Variants in TMC6 observed in about 807,000 individuals in gnomAD.
TMC6 encodes the protein transmembrane channel like 6.
In TMC6, 71 loss-of-function variants were observed where a neutral mutation model predicts 95.4. The ratio of observed to expected loss-of-function variants is 0.74; its 90% CI spans 0.61 to 0.91. TMC6 has a LOEUF of 0.91. Among genes scored for constraint, TMC6 ranks in the 40% least tolerant of loss-of-function variants. The probability of loss-of-function intolerance (pLI) is 0.00; values close to 1 mark genes in which losing one functional copy is unlikely to be tolerated. For synonymous variants in TMC6, 514 were observed against 483.1 expected, an observed-to-expected ratio of 1.06 and a Z score of -0.84; for missense variants, 1,074 against 1,079.1, an observed-to-expected ratio of 1.00 and a Z score of 0.07.
At chr17:78,115,178 T>TTGGGACGAGC (rs1198582108) in intron 18 of TMC6, among the ~76,000 whole-genome samples, 2 of 152,282 alleles carry the variant, frequency 1.3e-5, no homozygotes, top group Non-Finnish European at 2.9e-5. Flanking sequence ...CCATGAGTGC[T>TTGGGACGAGC]TGGGACGAGC....
intron 1 of TMC6, among the ~76,000 whole-genome samples, chr17:78,127,614 G>A (rs369824178): frequency 6.6e-6 from 1 of 152,232 alleles, no homozygotes; most frequent in East Asian, 1.9e-4. Flanking sequence ...CCCTGGGCTC[G>A]GGGCCCGTTC....
upstream of TMC6, chr17:78,128,838 G>T (rs1327667955): frequency 2.8e-5 from 4 of 141,896 alleles, no homozygotes; most frequent in Non-Finnish European, 4.6e-5. This position sits in a 1 kb window ranked among gnomAD's most constrained non-coding sequence, Gnocchi z 4.0. Context: ...ACGTGACCCG[G>T]CCCGGCCCGC....
rs755435364 is a variant in TMC6, at chr17:78,126,374, G to C, written c.182-8C>G. The C allele has an allele frequency of 6.3e-7, 1 of 1,594,806 alleles. No homozygotes were observed. The highest frequency in any genetic ancestry group is 8.5e-7 in the Non-Finnish European group (1 of 1,175,926). ...GTGTCTGCTGGCTACTTCCTACAAA[G>C]CAAGAAAGACTCACCAGGGGTCCTG... On this transcript the variant is annotated splice_polypyrimidine_tract_variant and splice_region_variant and intron_variant, in intron 3 of 19. Transcript: ENST00000590602.
At chr17:78,131,804 G>A, upstream of TMC6, 1 of 1,523,492 alleles carries the variant, frequency 6.6e-7, no homozygotes, top group Admixed American at 2.0e-5. Context: ...GTCGGATGGT[G>A]TGGGAGCACC....
At chr17:78,128,886 A>G (rs993744128), upstream of TMC6, 7 of 147,858 alleles carry the variant, frequency 4.7e-5, no homozygotes, top group South Asian at 6.4e-4. This position sits in a 1 kb window ranked among gnomAD's most constrained non-coding sequence, Gnocchi z 4.0. Flanking sequence ...CGCGGCGACT[A>G]TGCCTTCCTC....
intron 18 of TMC6, among the ~76,000 whole-genome samples, chr17:78,116,178 T>C (rs1211605195): frequency 6.6e-6 from 1 of 151,826 alleles, no homozygotes; most frequent in East Asian, 1.9e-4. Context: ...GGTTTTGCCA[T>C]GATGGTCAGG....
chr17:78,107,904 T>C lies in TMC6; in HGVS notation c.*5244A>G, dbSNP rs935970796. The C allele has an allele frequency of 6.6e-6, 1 of 152,186 alleles. No individual in the cohort carries two copies. Among genetic ancestry groups the C allele is most frequent in the Non-Finnish European group, 1.5e-5 (1 of 68,018 alleles). The allele number at this position is 152,186 out of a possible 1,614,324, so 9.4% of individuals were successfully genotyped here. A position where few individuals can be genotyped will look rare whatever the true frequency, so the allele number is the denominator to read the frequency against. ...TTGTGTTTCCTAGACATTTTATGCA[T>C]CTATTTTTGTAAAATCACCTTCGCT... On this transcript the variant is annotated 3_prime_UTR_variant, in exon 20 of 20. Transcript: ENST00000590602.
At chr17:78,131,937 C>T (rs921677436), upstream of TMC6, 3 of 1,506,386 alleles carry the variant, frequency 2.0e-6, no homozygotes, top group Admixed American at 4.3e-5. Flanking sequence ...GTGGCAGCGC[C>T]GGCGGCAGAC....
At position 78,122,662 on chromosome 17, in the gene TMC6, C is replaced by T. The variant is rs1394580058; in HGVS notation, c.1170G>A (p.Lys390=). ...GGCGGGAGGCCCGCTTCTGCGTCACCTTGTAGTCCCAGGAGCAGAAGACGG... is the reference window on the plus strand; with the variant it reads ...GGCGGGAGGCCCGCTTCTGCGTCACTTTGTAGTCCCAGGAGCAGAAGACGG... ...AITVFCSWDY[K]VTQKRASRLQ... The change falls in exon 10 of 20, where the codon AAG becomes AAA. Residue 390 remains lysine (K), a synonymous_variant. Transcript: ENST00000590602. This position sits in a 1 kb window ranked among gnomAD's most constrained non-coding sequence, Gnocchi z 4.9. 6.2e-7 allele frequency: 1 copy of T among 1,612,258 alleles called. No homozygotes were observed. Among genetic ancestry groups the T allele is most frequent in the Non-Finnish European group, 8.5e-7 (1 of 1,179,758 alleles).
chr17:78,130,146 G>A (rs750155588), upstream of TMC6, among the ~76,000 whole-genome samples: 1 of 152,222 alleles, frequency 6.6e-6, no homozygotes. Flanking sequence ...TAGCCTGGGA[G>A]AGCATGAATG....
chr17:78,120,824 A>C lies in TMC6; in HGVS notation c.1544T>G (p.Ile515Ser). The part of the protein sequence containing the change: ...EVYVAICRNL[I>S]LKLAILGTLC... Reference sequence around the variant, plus strand: ...TGTCCCCAGGATGGCCAGCTTGAGGATGAGGTTCCTGCGGAGGGCGGGGTG... The same window carrying C: ...TGTCCCCAGGATGGCCAGCTTGAGGCTGAGGTTCCTGCGGAGGGCGGGGTG... Residue 515 changes from isoleucine (I) to serine (S), a missense_variant, in exon 13 of 20, where the codon ATC becomes AGC. Physicochemically the swap from Ile to Ser is moderately radical, Grantham distance 142. Transcript: ENST00000590602. 1 of 1,612,268 alleles carries C rather than the reference A, an allele frequency of 6.2e-7. No homozygotes were observed. Among genetic ancestry groups the C allele is most frequent in the Non-Finnish European group, 8.5e-7 (1 of 1,178,998 alleles).
intron 9 of TMC6, among the ~76,000 whole-genome samples, chr17:78,123,630 T>G (rs2074535646): frequency 2.2e-5 from 2 of 91,954 alleles, no homozygotes; most frequent in African/African-American, 8.2e-5. Flanking sequence ...GATGGGTGGA[T>G]GGGTGGGTGA....
intron 5 of TMC6, among the ~76,000 whole-genome samples, 184 bp downstream of exon 5, chr17:78,125,542 C>G (rs1402814545): frequency 6.6e-6 from 1 of 152,230 alleles, no homozygotes; most frequent in Admixed American, 6.5e-5. Flanking sequence ...GAGGTAAGAC[C>G]CCCACTTCCC....
Position 78,109,526 on chromosome 17 carries a change from G to T in TMC6, c.*3622C>A. On this transcript the variant is annotated 3_prime_UTR_variant, in exon 20 of 20. Transcript: ENST00000590602. The stretch of plus-strand genomic sequence containing the variant: ...ATGAAAACCAGAAGCAGACACTCAG[G>T]AGGCTGAGGCGGGAGGATCACCTGA... The T allele has an allele frequency of 2.2e-6, 1 of 456,674 alleles. No individual in the cohort carries two copies. The allele number at this position is 456,674 out of a possible 1,614,324, so 28.3% of individuals were successfully genotyped here.
chr17:78,115,985 T>C (rs2074087125), intron 18 of TMC6, among the ~76,000 whole-genome samples: 1 of 151,596 alleles, frequency 6.6e-6, no homozygotes, highest in African/African-American at 2.4e-5. Flanking sequence ...CGGTATGGGG[T>C]CCGACCCCCT....
upstream of TMC6, chr17:78,131,533 C>T: frequency 6.5e-7 from 1 of 1,533,792 alleles, no homozygotes; most frequent in Admixed American, 2.0e-5. Flanking sequence ...CAACCGGGGA[C>T]TCATATCCCC....
intron 5 of TMC6, 70 bp from the exon 6 acceptor site, chr17:78,125,333 G>GTGT: frequency 7.2e-7 from 1 of 1,397,718 alleles, no homozygotes; most frequent in South Asian, 1.2e-5. Context: ...CCGGGACCCT[G>GTGT]GTCAGGCCTG....
intron 18 of TMC6, among the ~76,000 whole-genome samples, chr17:78,115,110 C>A (rs576456019): frequency 6.6e-6 from 1 of 152,240 alleles, no homozygotes; most frequent in South Asian, 2.1e-4. Flanking sequence ...ACGGGAAAGG[C>A]AGGAGATGGG....
chr17:78,122,429 C>T lies in TMC6; in HGVS notation c.1227+176G>A, dbSNP rs932216414. The T allele has an allele frequency of 5.9e-5, 55 of 934,628 alleles. No individual in the cohort carries two copies. Among genetic ancestry groups the T allele is most frequent in the Non-Finnish European group, 8.6e-5 (55 of 637,048 alleles). 57.9% of individuals were successfully genotyped at this position (934,628 alleles called of 1,614,324 possible). A position where few individuals can be genotyped will look rare whatever the true frequency, so the allele number is the denominator to read the frequency against. On this transcript the variant is annotated intron_variant, in intron 10 of 19. Coordinates refer to ENST00000590602, the MANE Select transcript of TMC6 (RefSeq NM_001127198.5). The surrounding 1 kb of genome is among the most constrained non-coding windows in gnomAD (Gnocchi z 4.9). ...GATGGGTGTGTGCCAGAGAAAAACT[C>T]AGGGCCTGCCCGTCACTGCAAGCAG...
Sources: gnomAD v4.1 joint callset for allele counts (sites outside exome capture counted in the v4.1 genomes callset) on GRCh38, gnomAD v4.1.1 for gene constraint, Gnocchi (gnomAD v3.1) non-coding constraint, MANE v1.5 for transcripts, NCBI Gene and HGNC (gene_info 2026-07-23, HGNC 2026-07-21) for gene names.